The following CUL3 variants were observed in gnomAD, a reference collection of about 807,000 sequenced individuals.
CUL3 encodes the protein cullin 3.
CUL3 carries 19 observed loss-of-function variants against 89.1 expected under a neutral mutation model. That is an observed-to-expected ratio of 0.21 (90% CI 0.15 to 0.31). The LOEUF is 0.31. CUL3 is among the 10% of genes least tolerant of loss of function. The probability of loss-of-function intolerance (pLI) is 1.00; values close to 1 mark genes in which losing one functional copy is unlikely to be tolerated. For missense variants in CUL3, 469 were observed against 942.3 expected (o/e 0.50, Z 6.58); for synonymous variants, 351 against 308.4 (o/e 1.14, Z -1.45).
intron 1 of CUL3, 43 bp from the exon 2 acceptor site, chr2:224,557,899 A>AAAC (rs1553535904): frequency 7.0e-6 from 8 of 1,136,348 alleles, no homozygotes; most frequent in African/African-American, 4.8e-5. Flanking sequence ...AAAAAAAAAA[A>AAAC]AAAAAACCAA....
chr2:224,513,616 G>A lies in CUL3; in HGVS notation c.562C>T (p.Gln188Ter), dbSNP rs2106221030. 1 of 1,594,974 alleles carries A rather than the reference G, an allele frequency of 6.3e-7. No individual in the cohort carries two copies. Among genetic ancestry groups the A allele is most frequent in the Non-Finnish European group, 8.5e-7 (1 of 1,174,796 alleles). ...VDRGAIRNAC[Q>*]MLMILGLEGR... is the part of the protein sequence containing the mutation. ...TCGAGACCTAAAATCATTAACATCTGGCAAGCATTTCTTATTGCGCCTCTG... is the reference window on the plus strand; with the variant it reads ...TCGAGACCTAAAATCATTAACATCTAGCAAGCATTTCTTATTGCGCCTCTG... Residue 188 changes from glutamine to a stop codon, truncating the protein, a stop_gained, in exon 5 of 16, where the codon CAG becomes TAG. Transcript: ENST00000264414. LOFTEE classifies it high-confidence loss of function.
At chr2:224,519,773 C>T (rs1190251441) in intron 3 of CUL3, among the ~76,000 whole-genome samples, 3 of 152,106 alleles carry the variant, frequency 2.0e-5, no homozygotes, top group Admixed American at 2.0e-4. Flanking sequence ...TCACAGTAAA[C>T]TTGTGATATG....
intron 1 of CUL3, among the ~76,000 whole-genome samples, chr2:224,568,188 C>T (rs1286701750): frequency 6.6e-6 from 1 of 152,204 alleles, no homozygotes; most frequent in Admixed American, 6.5e-5. Flanking sequence ...GTTAACAACT[C>T]CTTCTCAGTT....
At chr2:224,511,604 A>G (rs1009814316) in intron 5 of CUL3, 22 bp from the exon 6 acceptor site, 2 of 1,345,676 alleles carry the variant, frequency 1.5e-6, no homozygotes, top group African/African-American at 1.5e-5. Flanking sequence ...AAATATATAT[A>G]TTTTTTAAAC....
chr2:224,580,758 T>C (rs1559247822), intron 1 of CUL3, among the ~76,000 whole-genome samples: 2 of 152,196 alleles, frequency 1.3e-5, no homozygotes, highest in East Asian at 1.9e-4. Context: ...TCTGGAGTAG[T>C]ATCTATAAAA....
At position 224,514,790 on chromosome 2, in the gene CUL3, T is replaced by C. The variant is rs1386715154; in HGVS notation, c.379-18A>G. 8 of 1,545,974 alleles carry C rather than the reference T, an allele frequency of 5.2e-6. No homozygotes were observed. Among genetic ancestry groups the C allele is most frequent in the Admixed American group, 1.7e-5 (1 of 59,498 alleles). Reference sequence around the variant, plus strand: ...ACACGGTCCTACAGTTAAAGTCATATAAATATGAGTACAGTTCTTGTGAGC... The same window carrying C: ...ACACGGTCCTACAGTTAAAGTCATACAAATATGAGTACAGTTCTTGTGAGC... On this transcript the variant is annotated intron_variant, in intron 3 of 15. Transcript: ENST00000264414.
chr2:224,505,910 T>A, intron 8 of CUL3, 46 bp downstream of exon 8: 2 of 1,254,792 alleles, frequency 1.6e-6, no homozygotes, highest in Non-Finnish European at 2.2e-6. Context: ...TAATTTTATA[T>A]CTTTAAATAA....
chr2:224,498,110 C>T (rs1026355959), intron 11 of CUL3, among the ~76,000 whole-genome samples: 2 of 152,176 alleles, frequency 1.3e-5, no homozygotes, highest in African/African-American at 2.4e-5. Flanking sequence ...CTGCCCCAAC[C>T]TACTGCTGCT....
rs756120079 is a variant in CUL3, at chr2:224,472,788, AGTT to A, written c.*1454_*1456del. The A allele has an allele frequency of 3.8e-4, 75 of 199,002 alleles. No homozygotes were observed. The highest frequency in any genetic ancestry group is 6.7e-4 in the Non-Finnish European group (64 of 96,004). 12.3% of individuals were successfully genotyped at this position (199,002 alleles called of 1,614,324 possible). ...GAGTTTTTAATCCATATTAGAATTCAGTTGTTGTAACTTGACCATAAATTTAAA... is the reference window on the plus strand; with the variant it reads ...GAGTTTTTAATCCATATTAGAATTCAGTTGTAACTTGACCATAAATTTAAA... On this transcript the variant is annotated 3_prime_UTR_variant, in exon 16 of 16. Coordinates refer to ENST00000264414, the MANE Select transcript of CUL3 (RefSeq NM_003590.5).
chr2:224,494,561 T>C (rs1692097563), intron 13 of CUL3, among the ~76,000 whole-genome samples: 1 of 152,020 alleles, frequency 6.6e-6, no homozygotes, highest in Non-Finnish European at 1.5e-5. Context: ...TAGAGATCAA[T>C]GAAACAGATC....
chr2:224,525,179 T>C (rs1379092424), intron 3 of CUL3, among the ~76,000 whole-genome samples: 4 of 152,212 alleles, frequency 2.6e-5, no homozygotes, highest in African/African-American at 9.6e-5. Flanking sequence ...TCTGGGTTTA[T>C]CATAAACTCT....
At chr2:224,510,299 G>GT (rs66793446) in intron 6 of CUL3, among the ~76,000 whole-genome samples, 28,173 of 115,100 alleles carry the variant, frequency 0.24, 2,954 homozygotes, top group South Asian at 0.34. Context: ...AGTTTTTTTT[G>GT]TTTTTTTTTT....
intron 12 of CUL3, 136 bp downstream of exon 12, chr2:224,497,617 G>T (rs1692216876): frequency 3.1e-6 from 2 of 637,306 alleles, no homozygotes; most frequent in East Asian, 5.6e-5. Flanking sequence ...TCAAAGCTAG[G>T]ATTTTTAACC....
intron 1 of CUL3, chr2:224,563,249 A>C: frequency 2.1e-6 from 1 of 471,324 alleles, no homozygotes; most frequent in Non-Finnish European, 4.4e-6. Flanking sequence ...TCTCTTGTAT[A>C]CTACTTTTCC....
At chr2:224,483,462 C>A (rs1022726796) in intron 13 of CUL3, among the ~76,000 whole-genome samples, 1 of 152,074 alleles carries the variant, frequency 6.6e-6, no homozygotes, top group Non-Finnish European at 1.5e-5. Flanking sequence ...GTATACTAGA[C>A]ATCTTTCTAT....
chr2:224,494,467 AG>A (rs1692093894), intron 13 of CUL3, among the ~76,000 whole-genome samples: 1 of 152,180 alleles, frequency 6.6e-6, no homozygotes. Context: ...TTATAAAATT[AG>A]TTACTCTAAT....
chr2:224,563,077 CTCA>C, intron 1 of CUL3: 7 of 371,964 alleles, frequency 1.9e-5, no homozygotes, highest in South Asian at 1.5e-4. Flanking sequence ...CTCTTGAACG[CTCA>C]TCGACAGTCA....
intron 13 of CUL3, among the ~76,000 whole-genome samples, chr2:224,484,830 T>A (rs1371162794): frequency 2.0e-5 from 3 of 152,110 alleles, no homozygotes; most frequent in African/African-American, 7.2e-5. Flanking sequence ...AACGACAAAT[T>A]TGAGATCTGG....
chr2:224,505,079 A>G (rs954951422), intron 8 of CUL3, among the ~76,000 whole-genome samples: 1 of 151,884 alleles, frequency 6.6e-6, no homozygotes, highest in Non-Finnish European at 1.5e-5. Context: ...TATCTTCAGC[A>G]TGCCTAACTC....
Sources: gnomAD v4.1 joint callset for allele counts (sites outside exome capture counted in the v4.1 genomes callset) on GRCh38, gnomAD v4.1.1 for gene constraint, MANE v1.5 for transcripts, NCBI Gene and HGNC (gene_info 2026-07-23, HGNC 2026-07-21) for gene names.